Variants in SENP6 observed in about 807,000 individuals in gnomAD.
The protein encoded by SENP6 is sentrin-specific protease 6.
Under a neutral mutation model 134.5 loss-of-function variants are expected in SENP6, and 41 were observed. That is an observed-to-expected ratio of 0.30 (90% CI 0.24 to 0.40). SENP6 has a LOEUF of 0.40. Among genes scored for constraint, SENP6 ranks in the 10% least tolerant of loss-of-function variants. The pLI is 1.00. For missense variants in SENP6, 1,248 were observed against 1,312.5 expected (o/e 0.95, Z 0.76); for synonymous variants, 395 against 429.8 (o/e 0.92, Z 1.00).
At chr6:75,699,734 C>T (rs1169467292) in intron 18 of SENP6, among the ~76,000 whole-genome samples, 2 of 152,118 alleles carry the variant, frequency 1.3e-5, no homozygotes, top group African/African-American at 4.8e-5. Flanking sequence ...AAGCGGTCCA[C>T]CTGCCGTAGC....
intron 5 of SENP6, among the ~76,000 whole-genome samples, chr6:75,635,634 AAAT>A (rs1769453577): frequency 6.6e-6 from 1 of 152,134 alleles, no homozygotes; most frequent in African/African-American, 2.4e-5. Flanking sequence ...TTTTTGCCTT[AAAT>A]GTATTATTGT....
intron 18 of SENP6, among the ~76,000 whole-genome samples, chr6:75,700,871 T>C (rs1025820974): frequency 1.3e-5 from 2 of 152,200 alleles, no homozygotes; most frequent in African/African-American, 2.4e-5. Context: ...AAAATAAAAT[T>C]AGCTATGTGT....
rs1427302789 is a variant in SENP6 at position 75,663,507 on chromosome 6, T to G, written c.983T>G (p.Leu328Arg). The part of the protein sequence containing the change: ...LKERKTSLSD[L>R]NDPIILSSDD... Reference sequence around the variant, plus strand: ...GAAAGGAAAACAAGTTTGTCAGACCTAAATGATCCAAGTAAGTATTTTACT... The same window carrying G: ...GAAAGGAAAACAAGTTTGTCAGACCGAAATGATCCAAGTAAGTATTTTACT... Residue 328 changes from leucine to arginine, a missense_variant, in exon 9 of 24, where the codon CTA becomes CGA. Around this residue, in one of 3 missense-constraint regions of SENP6, gnomAD observed 733 missense variants for 725.4 expected, o/e 1.01. Coordinates refer to ENST00000447266, the MANE Select transcript of SENP6 (RefSeq NM_015571.4). 3 of 1,607,634 alleles carry G rather than the reference T, an allele frequency of 1.9e-6. No individual in the cohort carries two copies. The highest frequency in any genetic ancestry group is 1.1e-5 in the South Asian group (1 of 90,424).
intron 16 of SENP6, among the ~76,000 whole-genome samples, chr6:75,687,358 G>A (rs1270930772): frequency 5.3e-5 from 8 of 152,070 alleles, no homozygotes; most frequent in African/African-American, 1.7e-4. Flanking sequence ...CCTTTAGCTC[G>A]GAGAAGTTTG....
chr6:75,633,506 T>C, intron 3 of SENP6, 75 bp from the exon 4 acceptor site: 1 of 1,258,502 alleles, frequency 7.9e-7, no homozygotes, highest in Non-Finnish European at 1.1e-6. Context: ...TACTTTTAAA[T>C]GGTTTTCAAA....
At chr6:75,661,593 CT>C (rs1386117855) in intron 8 of SENP6, among the ~76,000 whole-genome samples, 1 of 152,222 alleles carries the variant, frequency 6.6e-6, no homozygotes, top group Non-Finnish European at 1.5e-5. Context: ...AGTCTTCCTT[CT>C]TTTACTCTAT....
In SENP6 at chr6:75,675,454, A is replaced by G. The variant is rs188392670; in HGVS notation, c.1412A>G (p.Lys471Arg). Residue 471 changes from lysine to arginine, a missense_variant, in exon 12 of 24, where the codon AAG becomes AGG. Physicochemically the swap from Lys to Arg is conservative, Grantham distance 26 (BLOSUM62 2). Coordinates refer to ENST00000447266, the MANE Select transcript of SENP6 (RefSeq NM_015571.4). ...EPVIFCLDFI[K>R]IQLDEPDHDP... ...TTTTAGTTTTGTTTAGATTTTATCA[A>G]GATACAGCTAGACGGTAAGCTATTT... The G allele has an allele frequency of 2.2e-4, 326 of 1,457,374 alleles. No individual in the cohort carries two copies. Among genetic ancestry groups the G allele is most frequent in the Admixed American group, 1.4e-4 (7 of 49,060 alleles). 90.3% of individuals were successfully genotyped at this position (1,457,374 alleles called of 1,614,324 possible).
Position 75,715,851 on chromosome 6 carries a change from T to A in SENP6, c.*257T>A. On this transcript the variant is annotated 3_prime_UTR_variant, in exon 24 of 24. Transcript: ENST00000447266. ...GCTTTTGTTATGTATTTTCTGTTAA[T>A]AGTACCTAAAATTGCAACTTCTAAA... 1 of 250,344 alleles carries A rather than the reference T, an allele frequency of 4.0e-6. No individual in the cohort carries two copies. The highest frequency in any genetic ancestry group is 7.6e-6 in the Non-Finnish European group (1 of 131,666). The allele number at this position is 250,344 out of a possible 1,614,324, so 15.5% of individuals were successfully genotyped here. A position where few individuals can be genotyped will look rare whatever the true frequency, so the allele number is the denominator to read the frequency against.
At chr6:75,695,041 A>C (rs2149894217) in intron 16 of SENP6, among the ~76,000 whole-genome samples, 1 of 151,988 alleles carries the variant, frequency 6.6e-6, no homozygotes, top group African/African-American at 2.4e-5. Context: ...CACCCGGCTA[A>C]ATTTTTGTAT....
At chr6:75,676,729 A>T in intron 13 of SENP6, 1 of 208,488 alleles carries the variant, frequency 4.8e-6, no homozygotes, top group East Asian at 1.1e-4. Flanking sequence ...TATCTTTAAG[A>T]CTATAGATTT....
chr6:75,617,516 CCCGCCT>C (rs1469010100), intron 1 of SENP6, among the ~76,000 whole-genome samples: 2 of 151,924 alleles, frequency 1.3e-5, no homozygotes, highest in African/African-American at 4.8e-5. Flanking sequence ...AGGTGATCCG[CCCGCCT>C]CCGCCTCCAC....
At chr6:75,674,540 C>T (rs893820263) in intron 11 of SENP6, among the ~76,000 whole-genome samples, 2 of 152,134 alleles carry the variant, frequency 1.3e-5, no homozygotes, top group East Asian at 1.9e-4. Context: ...CCATGCTGGT[C>T]TTAAACTCTT....
At chr6:75,696,513 T>A (rs1020403527) in intron 17 of SENP6, among the ~76,000 whole-genome samples, 4 of 152,206 alleles carry the variant, frequency 2.6e-5, no homozygotes, top group African/African-American at 9.7e-5. Flanking sequence ...GGTCTCACTC[T>A]GTCACCCAGG....
intron 16 of SENP6, among the ~76,000 whole-genome samples, chr6:75,693,301 A>G (rs1774417026): frequency 6.6e-6 from 1 of 150,688 alleles, no homozygotes; most frequent in Non-Finnish European, 1.5e-5. Context: ...GCTACTCAGG[A>G]GGCTGAGGCA....
chr6:75,670,074 T>G (rs1175039972), intron 10 of SENP6, among the ~76,000 whole-genome samples: 1 of 152,026 alleles, frequency 6.6e-6, no homozygotes, highest in Admixed American at 6.6e-5. Context: ...GCCTCCTGAG[T>G]AGCCGGGATT....
chr6:75,620,871 C>G (rs1468997045), intron 1 of SENP6: 1 of 152,076 alleles, frequency 6.6e-6, no homozygotes, highest in Non-Finnish European at 1.5e-5. Context: ...AGCCTGGGTT[C>G]TAGGACATCA....
chr6:75,698,660 T>G (rs1272150655), intron 18 of SENP6, among the ~76,000 whole-genome samples: 1 of 152,212 alleles, frequency 6.6e-6, no homozygotes, highest in Non-Finnish European at 1.5e-5. Context: ...AAATTCATAT[T>G]ATCATAGTAA....
intron 14 of SENP6, 26 bp from the exon 15 acceptor site, chr6:75,678,557 A>G (rs761248110): frequency 9.0e-7 from 1 of 1,109,168 alleles, no homozygotes; most frequent in South Asian, 1.4e-5. Context: ...TTGACTGTAA[A>G]TTGCTAATTT....
chr6:75,616,652 A>G (rs1767869067), intron 1 of SENP6, among the ~76,000 whole-genome samples: 1 of 151,450 alleles, frequency 6.6e-6, no homozygotes, highest in South Asian at 2.1e-4. Context: ...AGGCTGAGGC[A>G]GGAGAATCAC....
Sources: allele counts gnomAD v4.1 joint callset (sites outside exome capture counted in the v4.1 genomes callset), GRCh38; gene constraint gnomAD v4.1.1; regional missense constraint gnomAD v4.1.1; transcripts MANE v1.5; gene names NCBI Gene and HGNC (gene_info 2026-07-23, HGNC 2026-07-21).